CPNE4: variants seen among roughly 807,000 people sequenced by gnomAD.
CPNE4 encodes copine 4.
Under a neutral mutation model 67.9 loss-of-function variants are expected in CPNE4, and 25 were observed. The observed-to-expected ratio is 0.37, with a 90% confidence interval of 0.27 to 0.51. The LOEUF is 0.51. Ranked by LOEUF, CPNE4 falls within the 20% of genes least tolerant of loss-of-function variation. CPNE4 has a pLI of 0.93. For missense variants in CPNE4, 464 were observed against 690.8 expected (o/e 0.67, Z 3.68); for synonymous variants, 242 against 244.9 (o/e 0.99, Z 0.11).
rs142193864 is a variant in CPNE4 at position 131,644,447 on chromosome 3, G to A, written c.681+25228C>T. 5.8e-3 allele frequency among the ~76,000 whole-genome samples: 887 copies of A among 152,276 alleles called. 8 individuals are homozygous for A. The highest frequency in any genetic ancestry group is 0.02 in the African/African-American group (829 of 41,568). The stretch of plus-strand genomic sequence containing the variant: ...TAGGTGTGAGCCACCAGGCATGGCT[G>A]AGAATTTACATTTCTAACAAGTTCC... On this transcript the variant is annotated intron_variant, in intron 7 of 15. Coordinates refer to ENST00000429747, the MANE Select transcript of CPNE4 (RefSeq NM_130808.3).
At chr3:131,566,541 G>A (rs1246348190) in intron 10 of CPNE4, among the ~76,000 whole-genome samples, 12 of 151,924 alleles carry the variant, frequency 7.9e-5, no homozygotes, top group Non-Finnish European at 7.4e-5. Flanking sequence ...AGAAGGAGGT[G>A]AAGAGCACCT....
At chr3:131,916,371 G>A (rs2089186366) in intron 1 of CPNE4, among the ~76,000 whole-genome samples, 1 of 148,476 alleles carries the variant, frequency 6.7e-6, no homozygotes, top group African/African-American at 2.5e-5. Flanking sequence ...AAAAAACAGA[G>A]CAGGATTATT....
At chr3:131,927,900 T>C (rs563605108) in intron 1 of CPNE4, among the ~76,000 whole-genome samples, 5 of 152,312 alleles carry the variant, frequency 3.3e-5, no homozygotes, top group African/African-American at 1.2e-4. Context: ...TTTTGATATT[T>C]TTTCTATTTG....
intron 1 of CPNE4, among the ~76,000 whole-genome samples, chr3:132,025,170 C>T (rs985230777): frequency 6.6e-6 from 1 of 152,164 alleles, no homozygotes; most frequent in Admixed American, 6.6e-5. Context: ...ACATTTTAGA[C>T]TTTCGTAACA....
At chr3:131,655,657 CAG>C (rs2079938626) in intron 7 of CPNE4, among the ~76,000 whole-genome samples, 1 of 151,864 alleles carries the variant, frequency 6.6e-6, no homozygotes, top group African/African-American at 2.4e-5. Context: ...CGTCGGGGGG[CAG>C]GGGGGTGGAG....
intron 7 of CPNE4, among the ~76,000 whole-genome samples, chr3:131,656,860 A>G (rs2079982789): frequency 6.6e-6 from 1 of 152,234 alleles, no homozygotes; most frequent in Non-Finnish European, 1.5e-5. Flanking sequence ...CTGAATGTTA[A>G]GAACATGCCA....
intron 1 of CPNE4, among the ~76,000 whole-genome samples, chr3:132,001,520 G>C (rs952356651): frequency 6.9e-6 from 1 of 145,584 alleles, no homozygotes; most frequent in Middle Eastern, 3.4e-3. Context: ...AATTGTGAGA[G>C]AGAGAGAGAG....
chr3:131,825,235 G>A (rs7648064), intron 2 of CPNE4, among the ~76,000 whole-genome samples: 33,075 of 151,978 alleles, frequency 0.22, 3,883 homozygotes, highest in Admixed American at 0.34. Context: ...CAGTAGCTCA[G>A]GCCTGTAATC....
rs72999255 is a variant in CPNE4, at chr3:131,595,436, T to C, written c.682-7854A>G. Among the ~76,000 whole-genome samples, 306 of 152,332 alleles carry C rather than the reference T, an allele frequency of 2.0e-3. 1 individual carries two copies. Among genetic ancestry groups the C allele is most frequent in the African/African-American group, 7.0e-3 (292 of 41,578 alleles). ...TTTGTGACAACAGGGACTGTGTTAG[T>C]GTGTTCTTACATCATTATACTTGAG... is the stretch of plus-strand genomic sequence containing the variant. On this transcript the variant is annotated intron_variant, in intron 7 of 15. Coordinates refer to ENST00000429747, the MANE Select transcript of CPNE4 (RefSeq NM_130808.3).
chr3:131,538,199 T>C (rs1461187888), intron 15 of CPNE4, among the ~76,000 whole-genome samples: 1 of 152,252 alleles, frequency 6.6e-6, no homozygotes, highest in Non-Finnish European at 1.5e-5. Flanking sequence ...TAATATTCTA[T>C]ATCTGTGCTG....
At chr3:131,634,212 T>C (rs1045106331) in intron 7 of CPNE4, among the ~76,000 whole-genome samples, 3 of 152,190 alleles carry the variant, frequency 2.0e-5, no homozygotes, top group South Asian at 2.1e-4. Flanking sequence ...CCAACATGCA[T>C]ACTTATCCTT....
At chr3:131,556,852 T>G (rs750802265) in intron 11 of CPNE4, among the ~76,000 whole-genome samples, 9 of 152,188 alleles carry the variant, frequency 5.9e-5, no homozygotes, top group Non-Finnish European at 1.0e-4. Context: ...AGAGAATAAT[T>G]AACATTTATT....
chr3:131,801,061 T>C (rs1302841342), intron 2 of CPNE4, among the ~76,000 whole-genome samples: 2 of 152,006 alleles, frequency 1.3e-5, no homozygotes, highest in African/African-American at 4.8e-5. Flanking sequence ...TTATGTCTAG[T>C]AGAGTAAGTA....
chr3:131,560,046 G>A (rs1201992056), intron 11 of CPNE4, among the ~76,000 whole-genome samples: 2 of 151,920 alleles, frequency 1.3e-5, no homozygotes, highest in Admixed American at 1.3e-4. Context: ...GGTCCAAAGT[G>A]AACTTTAGAA....
intron 11 of CPNE4, among the ~76,000 whole-genome samples, chr3:131,561,694 A>C (rs2107660751): frequency 6.6e-6 from 1 of 152,138 alleles, no homozygotes; most frequent in South Asian, 2.1e-4. Context: ...TCACTGCAGG[A>C]GGGGGAACAA....
At chr3:131,852,379 T>C (rs2107646998) in intron 2 of CPNE4, among the ~76,000 whole-genome samples, 1 of 152,060 alleles carries the variant, frequency 6.6e-6, no homozygotes, top group Non-Finnish European at 1.5e-5. Context: ...TGAAAATGAA[T>C]CAATAGAATT....
chr3:131,979,317 A>G (rs1336825191), intron 1 of CPNE4, among the ~76,000 whole-genome samples: 1 of 152,138 alleles, frequency 6.6e-6, no homozygotes, highest in Non-Finnish European at 1.5e-5. Flanking sequence ...GTTGCTGTCT[A>G]TCTCATTTCC....
chr3:131,687,727 C>T (rs1202406894), intron 5 of CPNE4, among the ~76,000 whole-genome samples: 2 of 152,150 alleles, frequency 1.3e-5, no homozygotes, highest in Admixed American at 1.3e-4. Flanking sequence ...AGTTTTTGTG[C>T]TTGATGTTAA....
intron 15 of CPNE4, among the ~76,000 whole-genome samples, chr3:131,542,150 G>C (rs1195768734): frequency 1.3e-5 from 2 of 152,082 alleles, no homozygotes; most frequent in African/African-American, 2.4e-5. Flanking sequence ...AACATAAGCT[G>C]CATTTCAGTT....
Sources: gnomAD v4.1 joint callset for allele counts (sites outside exome capture counted in the v4.1 genomes callset) on GRCh38, gnomAD v4.1.1 for gene constraint, MANE v1.5 for transcripts, NCBI Gene and HGNC (gene_info 2026-07-23, HGNC 2026-07-21) for gene names.